HS6ST1: variants seen among roughly 807,000 people sequenced by gnomAD.
HS6ST1 encodes heparan sulfate 6-O-sulfotransferase 1, also known as heparan-sulfate 6-O-sulfotransferase 1.
In HS6ST1, 3 loss-of-function variants were observed where a neutral mutation model predicts 25.2. The observed-to-expected ratio is 0.12, with a 90% CI of 0.05 to 0.31. HS6ST1 has a LOEUF of 0.31. Among genes scored for constraint, HS6ST1 ranks in the 10% least tolerant of loss-of-function variants. The pLI, the probability that HS6ST1 is intolerant of heterozygous loss-of-function variation, is 1.00. For synonymous variants in HS6ST1, 204 were observed against 275.1 expected (o/e 0.74, Z 2.56); for missense variants, 310 against 609.6 (o/e 0.51, Z 5.18).
At chr2:128,271,614 C>T (rs1020067093) in intron 1 of HS6ST1, among the ~76,000 whole-genome samples, 2 of 152,162 alleles carry the variant, frequency 1.3e-5, no homozygotes, top group South Asian at 2.1e-4. Context: ...CAGTTCTGTC[C>T]GCCCCTGCTG....
At position 128,314,723 on chromosome 2, in the gene HS6ST1, G is replaced by A. The variant is rs376110417; in HGVS notation, c.527+3314C>T. 3.3e-4 allele frequency among the ~76,000 whole-genome samples: 51 copies of A among 152,340 alleles called. No homozygotes were observed. The East Asian group carries it at 4.8e-3, about 14-fold the overall frequency. On this transcript the variant is annotated intron_variant, in intron 1 of 1. Coordinates refer to ENST00000259241, the MANE Select transcript of HS6ST1 (RefSeq NM_004807.3). ...TGCAGGGCAACGTCACAGAGGCTGC[G>A]AGCCCACTAAGGGCTCCAGAGAGGC...
At chr2:128,274,165 GGA>G (rs960442409) in intron 1 of HS6ST1, among the ~76,000 whole-genome samples, 1 of 152,148 alleles carries the variant, frequency 6.6e-6, no homozygotes, top group Non-Finnish European at 1.5e-5. Flanking sequence ...CAGAAAGAGG[GGA>G]GAGAGAAAAT....
intron 1 of HS6ST1, among the ~76,000 whole-genome samples, chr2:128,280,308 G>A (rs988217017): frequency 9.9e-5 from 15 of 152,240 alleles, no homozygotes; most frequent in Non-Finnish European, 1.5e-4. Context: ...GCCCTCAGGC[G>A]CAGCTCTCCA....
rs59217791 is a variant in HS6ST1, at chr2:128,298,214, G to T, written c.527+19823C>A. ...GAAACTGGAACCCTTCTGCAGTGCT[G>T]GTGGGAAGGTAAAATGGTACAGCTA... On this transcript the variant is annotated intron_variant, in intron 1 of 1. Transcript: ENST00000259241. 9.2e-3 allele frequency among the ~76,000 whole-genome samples: 1,399 copies of T among 152,154 alleles called. 21 individuals are homozygous for T. The highest frequency in any genetic ancestry group is 0.032 in the African/African-American group (1,339 of 41,452).
At chr2:128,298,992 C>T (rs552216253) in intron 1 of HS6ST1, among the ~76,000 whole-genome samples, 1 of 152,222 alleles carries the variant, frequency 6.6e-6, no homozygotes, top group Admixed American at 6.5e-5. Flanking sequence ...CTCCCTCCTG[C>T]ATGACTGTGT....
chr2:128,317,955 G>A, intron 1 of HS6ST1, 82 bp downstream of exon 1: 1 of 1,345,924 alleles, frequency 7.4e-7, no homozygotes, highest in Non-Finnish European at 9.5e-7. Flanking sequence ...GGAAGGCAGG[G>A]CCGACCCAGT....
intron 1 of HS6ST1, among the ~76,000 whole-genome samples, chr2:128,312,265 G>A (rs1339388453): frequency 3.3e-5 from 5 of 152,250 alleles, no homozygotes; most frequent in Non-Finnish European, 7.3e-5. Flanking sequence ...ATGTCCACAT[G>A]CTAGCTCCTG....
At chr2:128,315,675 G>A (rs1237871320) in intron 1 of HS6ST1, among the ~76,000 whole-genome samples, 1 of 152,090 alleles carries the variant, frequency 6.6e-6, no homozygotes, top group African/African-American at 2.4e-5. Flanking sequence ...TGGGGGAAGT[G>A]CATCCCAACC....
intron 1 of HS6ST1, among the ~76,000 whole-genome samples, chr2:128,283,606 G>A (rs1403911188): frequency 3.3e-5 from 5 of 152,192 alleles, no homozygotes; most frequent in Non-Finnish European, 7.3e-5. Flanking sequence ...GACAGCTGGA[G>A]GTTGTTGGGC....
chr2:128,271,255 G>GTA (rs1693604875), intron 1 of HS6ST1, among the ~76,000 whole-genome samples: 1 of 152,260 alleles, frequency 6.6e-6, no homozygotes. Flanking sequence ...CTCCCATGGT[G>GTA]TAGCCTGTGC....
intron 1 of HS6ST1, among the ~76,000 whole-genome samples, chr2:128,281,737 C>G (rs900379089): frequency 6.6e-6 from 1 of 152,188 alleles, no homozygotes; most frequent in Non-Finnish European, 1.5e-5. Context: ...GGAGATACAC[C>G]AGGGACCTGA....
chr2:128,317,660 C>T (rs1460394423), intron 1 of HS6ST1, among the ~76,000 whole-genome samples: 1 of 152,246 alleles, frequency 6.6e-6, no homozygotes, highest in Non-Finnish European at 1.5e-5. Context: ...CCAGGTAGGC[C>T]ACGCACACAC....
chr2:128,317,909 G>A (rs1229255642), intron 1 of HS6ST1, 128 bp downstream of exon 1: 9 of 1,141,194 alleles, frequency 7.9e-6, no homozygotes, highest in Non-Finnish European at 3.4e-6. Flanking sequence ...AGGGGTGCCG[G>A]CGAGTGGGGG....
chr2:128,282,450 C>A (rs1438623240), intron 1 of HS6ST1, among the ~76,000 whole-genome samples: 1 of 152,230 alleles, frequency 6.6e-6, no homozygotes, highest in Non-Finnish European at 1.5e-5. Context: ...TACCCAGCCC[C>A]CACCGGCCCG....
chr2:128,272,953 G>A (rs371305122), intron 1 of HS6ST1, among the ~76,000 whole-genome samples: 1 of 152,134 alleles, frequency 6.6e-6, no homozygotes, highest in Admixed American at 6.5e-5. Flanking sequence ...GCAACGGCAG[G>A]GGAAAGGGGC....
intron 1 of HS6ST1, among the ~76,000 whole-genome samples, chr2:128,278,040 A>G (rs1693722181): frequency 6.6e-6 from 1 of 152,256 alleles, no homozygotes. Flanking sequence ...CTTACAGGAC[A>G]AACTTAGAAC....
intron 1 of HS6ST1, among the ~76,000 whole-genome samples, chr2:128,302,295 G>A (rs889089880): frequency 6.6e-6 from 1 of 152,212 alleles, no homozygotes; most frequent in Non-Finnish European, 1.5e-5. Context: ...GCACACATGG[G>A]TCAGGCTGAG....
intron 1 of HS6ST1, chr2:128,290,127 A>G (rs1693930056): frequency 6.6e-6 from 1 of 152,180 alleles, no homozygotes; most frequent in Non-Finnish European, 1.5e-5. Context: ...ATATTGCAAA[A>G]TGTTAACAAG....
chr2:128,268,757 C>T lies in HS6ST1; in HGVS notation c.641G>A (p.Arg214His), dbSNP rs749738599. 1.5e-5 allele frequency: 24 copies of T among 1,612,176 alleles called. 1 individual carries two copies. Among genetic ancestry groups the T allele is most frequent in the African/African-American group, 6.7e-5 (5 of 74,902 alleles). ...CGGCAGCTCCTCAGGCGTGGGCGTGCGCCCATCACACATATGCAACGACGT... is the reference window on the plus strand; with the variant it reads ...CGGCAGCTCCTCAGGCGTGGGCGTGTGCCCATCACACATATGCAACGACGT... ...WKTSLHMCDG[R>H]TPTPEELPPC... is the part of the protein sequence containing the mutation. Residue 214 changes from arginine to histidine, a missense_variant, in exon 2 of 2, where the codon CGC (arginine) becomes CAC (histidine). By Grantham distance (29) the Arg-to-His change is conservative. Transcript: ENST00000259241.
Sources: allele counts gnomAD v4.1 joint callset (sites outside exome capture counted in the v4.1 genomes callset), GRCh38; gene constraint gnomAD v4.1.1; transcripts MANE v1.5; gene names NCBI Gene and HGNC (gene_info 2026-07-23, HGNC 2026-07-21).